The following CEP120 variants were observed in gnomAD, a reference collection of about 807,000 sequenced individuals.
CEP120 encodes the protein centrosomal protein of 120 kDa.
A neutral mutation model predicts 126.5 loss-of-function variants in CEP120; 113 were observed. The observed-to-expected ratio is 0.89, with a 90% CI of 0.77 to 1.04. The LOEUF is 1.04. CEP120 is among the 50% of genes least tolerant of loss of function. CEP120 has a pLI of 0.00. For missense variants in CEP120, 1,230 were observed against 1,155.7 expected, an observed-to-expected ratio of 1.06 and a Z score of -0.93; for synonymous variants, 400 against 394.3, an observed-to-expected ratio of 1.01 and a Z score of -0.17.
At chr5:123,377,703 TTCAA>T (rs1193908699) in intron 15 of CEP120, among the ~76,000 whole-genome samples, 168 bp from the exon 16 acceptor site, 5 of 152,158 alleles carry the variant, frequency 3.3e-5, no homozygotes, top group East Asian at 1.9e-4. Flanking sequence ...ATTATAAGTT[TTCAA>T]TCATTGTTTA....
At chr5:123,376,497 T>C (rs1205258070) in intron 16 of CEP120, among the ~76,000 whole-genome samples, 1 of 152,072 alleles carries the variant, frequency 6.6e-6, no homozygotes, top group East Asian at 1.9e-4. Flanking sequence ...CTTTTTCCTA[T>C]GAGCAACAAG....
intron 18 of CEP120, among the ~76,000 whole-genome samples, chr5:123,353,510 TA>T (rs200281449): frequency 3.9e-5 from 3 of 75,988 alleles, no homozygotes; most frequent in Non-Finnish European, 8.6e-5. Flanking sequence ...CTAGTCTCAT[TA>T]AAAAAAAAGT....
intron 5 of CEP120, among the ~76,000 whole-genome samples, chr5:123,397,539 A>C (rs1044151232): frequency 6.6e-6 from 1 of 152,220 alleles, no homozygotes; most frequent in Non-Finnish European, 1.5e-5. Flanking sequence ...AAAAATACGG[A>C]AACTGATATA....
chr5:123,384,331 T>C (rs548707458), intron 11 of CEP120, among the ~76,000 whole-genome samples: 1 of 152,192 alleles, frequency 6.6e-6, no homozygotes, highest in African/African-American at 2.4e-5. Context: ...ATAAAGGGCA[T>C]ATGATATATA....
At position 123,398,618 on chromosome 5, in the gene CEP120, A is replaced by G. The variant is rs1342021545; in HGVS notation, c.612+518T>C. On this transcript the variant is annotated intron_variant, in intron 5 of 19. Transcript: ENST00000306467. ...AAGGGCAACTGAAGGAAATATACCA[A>G]TATTCATGTTCTTGCTCTGCTACTA... is the stretch of plus-strand genomic sequence containing the variant. Among the ~76,000 whole-genome samples the G allele has an allele frequency of 6.6e-5, 10 of 152,158 alleles. No homozygotes were observed. In the South Asian group the frequency reaches 8.3e-4, roughly 13 times the overall value.
intron 4 of CEP120, among the ~76,000 whole-genome samples, chr5:123,408,720 C>G (rs990139735): frequency 6.6e-6 from 1 of 152,204 alleles, no homozygotes; most frequent in Non-Finnish European, 1.5e-5. Context: ...TCTCTATAAT[C>G]TCTTTCAGAA....
intron 18 of CEP120, among the ~76,000 whole-genome samples, chr5:123,354,333 C>T (rs532559620): frequency 7.5e-4 from 114 of 152,144 alleles, no homozygotes; most frequent in African/African-American, 2.5e-3. Flanking sequence ...TAAGCAACTT[C>T]GCTAAATGTT....
At chr5:123,348,391 G>A (rs1561984467) in intron 19 of CEP120, among the ~76,000 whole-genome samples, 1 of 152,118 alleles carries the variant, frequency 6.6e-6, no homozygotes, top group Non-Finnish European at 1.5e-5. Flanking sequence ...AACCAAGAAA[G>A]TGCTATATTT....
intron 3 of CEP120, among the ~76,000 whole-genome samples, chr5:123,414,453 C>T (rs2127131327): frequency 6.6e-6 from 1 of 152,122 alleles, no homozygotes; most frequent in East Asian, 1.9e-4. Context: ...AATATCCTTG[C>T]TATCAGCAGC....
intron 18 of CEP120, among the ~76,000 whole-genome samples, chr5:123,355,672 C>A (rs1319905381): frequency 2.6e-5 from 4 of 151,898 alleles, no homozygotes; most frequent in African/African-American, 9.7e-5. Context: ...ATTGTAGATT[C>A]TGGATATTAG....
At chr5:123,386,758 T>C (rs138237575) in intron 9 of CEP120, 91 bp from the exon 10 acceptor site, 1 of 967,588 alleles carries the variant, frequency 1.0e-6, no homozygotes, top group African/African-American at 1.7e-5. Flanking sequence ...AAGTATAATA[T>C]GAATATTATG....
chr5:123,358,742 G>A (rs1319925374), intron 18 of CEP120, among the ~76,000 whole-genome samples: 1 of 151,980 alleles, frequency 6.6e-6, no homozygotes, highest in Admixed American at 6.6e-5. Context: ...CCTCTCCAGT[G>A]CCAGGTGCTC....
At chr5:123,356,406 C>A (rs899554545) in intron 18 of CEP120, among the ~76,000 whole-genome samples, 1 of 152,050 alleles carries the variant, frequency 6.6e-6, no homozygotes, top group South Asian at 2.1e-4. Context: ...GCCATACTGC[C>A]CATCCTATGT....
intron 17 of CEP120, among the ~76,000 whole-genome samples, chr5:123,369,774 C>T (rs989786099): frequency 1.3e-5 from 2 of 152,016 alleles, no homozygotes; most frequent in Admixed American, 6.6e-5. Flanking sequence ...AATGACATCA[C>T]CTTTTTTATT....
At chr5:123,413,560 G>A (rs1308540706) in intron 3 of CEP120, among the ~76,000 whole-genome samples, 1 of 151,994 alleles carries the variant, frequency 6.6e-6, no homozygotes, top group African/African-American at 2.4e-5. Context: ...ACTGATCAGT[G>A]GGAATACCAT....
Position 123,382,195 on chromosome 5 carries a change from C to A in CEP120, c.2019G>T (p.Lys673Asn). ...MQEDIFENQL[K>N]QKELAHMQAL... is the part of the protein sequence containing the mutation. ...CCTGCATATGAGCCAGTTCTTTCTG[C>A]TTCAGCTACAAAAGGAAGAAAAATA... The change falls in exon 14 of 20, where the codon AAG becomes AAT. Residue 673 changes from lysine (K) to asparagine (N), a missense_variant. Physicochemically the swap from Lys to Asn is moderately conservative, Grantham distance 94. Coordinates refer to ENST00000306467, the MANE Select transcript of CEP120 (RefSeq NM_001375405.1). 6.3e-7 allele frequency: 1 copy of A among 1,599,700 alleles called. No homozygotes were observed. The highest frequency in any genetic ancestry group is 2.2e-5 in the East Asian group (1 of 44,468).
At chr5:123,372,859 T>TA (rs750468918) in intron 16 of CEP120, 87 bp from the exon 17 acceptor site, 73 of 1,054,656 alleles carry the variant, frequency 6.9e-5, no homozygotes, top group Admixed American at 4.1e-4. Flanking sequence ...TCTTTTTTTT[T>TA]ATTCTACAGC....
At chr5:123,362,247 T>C (rs369319589) in intron 18 of CEP120, among the ~76,000 whole-genome samples, 1 of 151,730 alleles carries the variant, frequency 6.6e-6, no homozygotes, top group African/African-American at 2.4e-5. Context: ...AATGATGGCA[T>C]TTTCCTTCTT....
chr5:123,419,404 G>A (rs890754626), intron 1 of CEP120, among the ~76,000 whole-genome samples: 4 of 151,938 alleles, frequency 2.6e-5, no homozygotes, highest in South Asian at 4.2e-4. Context: ...AAAATTAGCC[G>A]GGTGTGGTGG....
Sources: gnomAD v4.1 joint callset for allele counts (sites outside exome capture counted in the v4.1 genomes callset) on GRCh38, gnomAD v4.1.1 for gene constraint, MANE v1.5 for transcripts, NCBI Gene and HGNC (gene_info 2026-07-23, HGNC 2026-07-21) for gene names.